SLC9A6: variants seen among roughly 807,000 people sequenced by gnomAD.
SLC9A6 encodes the protein sodium/hydrogen exchanger 6.
In SLC9A6, 6 loss-of-function variants were observed where a neutral mutation model predicts 45.3. That is an observed-to-expected ratio of 0.13 (90% CI 0.07 to 0.26). The LOEUF is 0.26. Among genes scored for constraint, SLC9A6 ranks in the 10% least tolerant of loss-of-function variants. SLC9A6 has a pLI of 1.00. For synonymous variants in SLC9A6, 191 were observed against 187.7 expected (o/e 1.02, Z -0.14); for missense variants, 278 against 503.7 (o/e 0.55, Z 4.29).
At chrX:136,043,808 G>A (rs2071553338) in intron 17 of SLC9A6, among the ~76,000 whole-genome samples, 1 of 111,557 alleles carries the variant, frequency 9.0e-6, no homozygotes, top group African/African-American at 3.3e-5. Context: ...TATTTTGGTC[G>A]TAATATTTCC....
intron 8 of SLC9A6, among the ~76,000 whole-genome samples, chrX:136,012,488 C>A (rs547867912): frequency 1.8e-5 from 2 of 113,066 alleles, no homozygotes; most frequent in East Asian, 2.8e-4. Flanking sequence ...GCCTCAATTT[C>A]TTCATCATGG....
intron 7 of SLC9A6, 53 bp downstream of exon 7, chrX:136,002,266 G>A: frequency 1.2e-6 from 1 of 826,801 alleles, no homozygotes; most frequent in Non-Finnish European, 1.8e-6. Context: ...AGGGTACTAG[G>A]AACTGAAAGT....
upstream of SLC9A6, chrX:135,983,570 C>T (rs1556614405): frequency 9.2e-6 from 1 of 108,875 alleles, no homozygotes; most frequent in East Asian, 2.9e-4. Flanking sequence ...TTTCAAGATT[C>T]CTCCTAGAAC....
chrX:136,041,010 A>G (rs1195446585), intron 17 of SLC9A6, among the ~76,000 whole-genome samples: 1 of 110,708 alleles, frequency 9.0e-6, no homozygotes, highest in Non-Finnish European at 1.9e-5. Context: ...AATCCCAACT[A>G]CTCGGGAGGC....
intron 15 of SLC9A6, among the ~76,000 whole-genome samples, chrX:136,031,795 CA>C (rs2071326210): frequency 9.0e-6 from 1 of 111,196 alleles, no homozygotes; most frequent in African/African-American, 3.3e-5. Context: ...GTGGGGTATA[CA>C]GGTGTTCATG....
intron 11 of SLC9A6, 109 bp from the exon 12 acceptor site, chrX:136,022,475 CTG>C: frequency 8.9e-6 from 4 of 447,166 alleles, no homozygotes; most frequent in Admixed American, 3.0e-5. Context: ...AACCAAGAGA[CTG>C]TGTGTTAGAA....
chrX:135,996,576 A>C (rs782250351), intron 3 of SLC9A6, among the ~76,000 whole-genome samples: 24 of 111,619 alleles, frequency 2.2e-4, no homozygotes, highest in African/African-American at 7.5e-4. Context: ...TGAGTGGGCT[A>C]TCGGAAGTAG....
At chrX:135,985,521 C>T in intron 1 of SLC9A6, 44 bp downstream of exon 1, 1 of 1,119,952 alleles carries the variant, frequency 8.9e-7, no homozygotes. Context: ...GCGCGGCTGG[C>T]GGCGGGCACC....
intron 16 of SLC9A6, among the ~76,000 whole-genome samples, chrX:136,035,888 G>A (rs782396534): frequency 2.2e-4 from 24 of 108,816 alleles, no homozygotes; most frequent in African/African-American, 7.7e-4. Flanking sequence ...TGGGTAGCTG[G>A]GACTCCTGGT....
chrX:135,995,643 T>C (rs947873759), intron 3 of SLC9A6, among the ~76,000 whole-genome samples: 1 of 112,498 alleles, frequency 8.9e-6, no homozygotes, highest in Non-Finnish European at 1.9e-5. Context: ...AGTTTTATAG[T>C]ACTTCAGCAC....
chrX:136,013,217 G>T, intron 9 of SLC9A6, 132 bp from the exon 10 acceptor site: 1 of 722,086 alleles, frequency 1.4e-6, no homozygotes, highest in South Asian at 2.2e-5. Context: ...AGTGGAAGTG[G>T]TTCCTCTTAA....
chrX:135,984,448 C>G (rs1337458302), upstream of SLC9A6, among the ~76,000 whole-genome samples: 2 of 111,698 alleles, frequency 1.8e-5, no homozygotes, highest in Non-Finnish European at 3.8e-5. Context: ...GTAGATCATT[C>G]ATGTTGAAAT....
At position 136,005,678 on chromosome X, in the gene SLC9A6, C is replaced by CAAA. The variant is rs368832440; in HGVS notation, c.743+3479_743+3481dup. ...CCTGAGCAACGGAGCGAGACTGTCT[C>CAAA]AAAAAAAAAAAAAAAAGAGAGAGAG... On this transcript the variant is annotated intron_variant, in intron 7 of 17. Coordinates refer to ENST00000630721, the MANE Select transcript of SLC9A6 (RefSeq NM_001379110.1). 1.2e-4 allele frequency among the ~76,000 whole-genome samples: 10 copies of CAAA among 83,255 alleles called. No individual in the cohort carries two copies. In the South Asian group the frequency reaches 2.0e-3, roughly 17 times the overall value. 72.3% of individuals were successfully genotyped at this position (83,255 alleles called of 115,157 possible). A position where few individuals can be genotyped will look rare whatever the true frequency, so the allele number is the denominator to read the frequency against.
chrX:136,040,634 A>G (rs1381437242), intron 17 of SLC9A6, among the ~76,000 whole-genome samples: 4 of 112,180 alleles, frequency 3.6e-5, no homozygotes, highest in African/African-American at 6.5e-5. Context: ...TGGGAAAGCT[A>G]TCTGCCTCTG....
intron 2 of SLC9A6, among the ~76,000 whole-genome samples, chrX:135,986,189 A>T (rs2148130897): frequency 9.1e-6 from 1 of 109,635 alleles, no homozygotes; most frequent in African/African-American, 3.3e-5. Flanking sequence ...GAGGGGAGAC[A>T]CCATTGCGAT....
intron 16 of SLC9A6, among the ~76,000 whole-genome samples, chrX:136,036,801 C>T (rs782325525): frequency 2.7e-5 from 3 of 113,063 alleles, no homozygotes; most frequent in African/African-American, 9.6e-5. Flanking sequence ...ATCCCAAGGT[C>T]GTGAAGATAT....
At chrX:136,001,205 C>T (rs1473024757) in intron 6 of SLC9A6, among the ~76,000 whole-genome samples, 1 of 108,172 alleles carries the variant, frequency 9.2e-6, no homozygotes. Flanking sequence ...GGTGTTCTGG[C>T]GGGCGCCTGT....
intron 3 of SLC9A6, among the ~76,000 whole-genome samples, chrX:135,995,790 G>A (rs1242476187): frequency 9.0e-6 from 1 of 111,124 alleles, no homozygotes; most frequent in Non-Finnish European, 1.9e-5. Flanking sequence ...GGGGCCCTAA[G>A]TGTGAGTCTG....
At chrX:135,993,715 C>T (rs190401675) in intron 2 of SLC9A6, among the ~76,000 whole-genome samples, 2,972 of 110,171 alleles carry the variant, frequency 0.027, 45 homozygotes, top group Non-Finnish European at 0.038. Flanking sequence ...TGATTGGACC[C>T]GGGAGGCGGA....
Sources: allele counts gnomAD v4.1 joint callset (sites outside exome capture counted in the v4.1 genomes callset), GRCh38; gene constraint gnomAD v4.1.1; transcripts MANE v1.5; gene names NCBI Gene and HGNC (gene_info 2026-07-23, HGNC 2026-07-21).